The following FOXP1 variants were observed in gnomAD, a reference collection of about 807,000 sequenced individuals.
FOXP1 encodes the protein forkhead box P1, also known as forkhead box protein P1.
In FOXP1, 15 loss-of-function variants were observed where a neutral mutation model predicts 98.2. The ratio of observed to expected loss-of-function variants is 0.15; its 90% CI spans 0.10 to 0.24. The LOEUF is 0.24. FOXP1 is among the 10% of genes least tolerant of loss of function. The pLI, the probability that FOXP1 is intolerant of heterozygous loss-of-function variation, is 1.00. For missense variants in FOXP1, 633 were observed against 848.5 expected (o/e 0.75, Z 3.15); for synonymous variants, 371 against 314.5 (o/e 1.18, Z -1.90).
intron 3 of FOXP1, among the ~76,000 whole-genome samples, chr3:71,385,147 A>G (rs1042938933): frequency 1.3e-5 from 2 of 152,208 alleles, no homozygotes; most frequent in African/African-American, 2.4e-5. Context: ...CTTCATTGGC[A>G]AAAGCAATGC....
chr3:71,527,287 C>G (rs2043466853), intron 2 of FOXP1, among the ~76,000 whole-genome samples: 2 of 152,170 alleles, frequency 1.3e-5, no homozygotes, highest in Non-Finnish European at 2.9e-5. Flanking sequence ...TTAACAATGC[C>G]TAATGATTCT....
chr3:71,253,799 T>C (rs765551853), intron 5 of FOXP1, among the ~76,000 whole-genome samples: 1 of 152,156 alleles, frequency 6.6e-6, no homozygotes, highest in Non-Finnish European at 1.5e-5. Flanking sequence ...GAAAAAAGTA[T>C]GTACCCGTTA....
At chr3:71,451,400 T>C (rs1433895318) in intron 3 of FOXP1, among the ~76,000 whole-genome samples, 1 of 152,170 alleles carries the variant, frequency 6.6e-6, no homozygotes, top group Non-Finnish European at 1.5e-5. Flanking sequence ...CTAGAGCACA[T>C]AAAAGCGAAG....
Position 71,365,703 on chromosome 3 carries a change from G to A in FOXP1, c.-167-6459C>T, listed in dbSNP as rs144724717. Among the ~76,000 whole-genome samples the A allele has an allele frequency of 1.7e-3, 264 of 152,294 alleles. 1 individual carries two copies. Among genetic ancestry groups the A allele is most frequent in the African/African-American group, 5.8e-3 (240 of 41,556 alleles). ...CTTTCTTGGATTTAAAGGATGTTCC[G>A]GCTGGGTGCGGTGGCTCACGCCTAT... On this transcript the variant is annotated intron_variant, in intron 3 of 20. Coordinates refer to ENST00000649528, the MANE Select transcript of FOXP1 (RefSeq NM_001349338.3).
intron 7 of FOXP1, among the ~76,000 whole-genome samples, chr3:71,054,028 T>A (rs2050274592): frequency 6.6e-6 from 1 of 152,180 alleles, no homozygotes; most frequent in Non-Finnish European, 1.5e-5. Flanking sequence ...AAGGACAAAC[T>A]TAATAAATGC....
At chr3:71,055,494 A>T (rs2050498342) in intron 7 of FOXP1, among the ~76,000 whole-genome samples, 1 of 152,240 alleles carries the variant, frequency 6.6e-6, no homozygotes, top group Non-Finnish European at 1.5e-5. Flanking sequence ...GGACAGATGT[A>T]TATGAATGGA....
At chr3:71,563,288 T>G (rs1052392977) in intron 2 of FOXP1, among the ~76,000 whole-genome samples, 2 of 152,184 alleles carry the variant, frequency 1.3e-5, no homozygotes, top group African/African-American at 4.8e-5. Flanking sequence ...GGGCATCTTG[T>G]ACATATGACC....
chr3:71,247,883 C>T (rs896466164), intron 5 of FOXP1, among the ~76,000 whole-genome samples: 1 of 152,196 alleles, frequency 6.6e-6, no homozygotes, highest in Non-Finnish European at 1.5e-5. Context: ...TGATACTCAA[C>T]TACTAGCATT....
chr3:71,105,198 G>C (rs925363095), intron 7 of FOXP1, among the ~76,000 whole-genome samples: 3 of 152,070 alleles, frequency 2.0e-5, no homozygotes, highest in Non-Finnish European at 4.4e-5. Flanking sequence ...ACAAAATATG[G>C]CTTGCGTTTT....
chr3:70,955,134 C>T lies in FOXP1; in HGVS notation c.*4113G>A, dbSNP rs1008295682. ...AAAAGGTACCAAAAAGATTCAAAAT[C>T]TGAATAAGCACACTCTTCTTTGTGC... On this transcript the variant is annotated 3_prime_UTR_variant, in exon 21 of 21. Coordinates refer to ENST00000649528, the MANE Select transcript of FOXP1 (RefSeq NM_001349338.3). 4.3e-6 allele frequency: 1 copy of T among 232,432 alleles called. No homozygotes were observed. The highest frequency in any genetic ancestry group is 5.6e-5 in the Admixed American group (1 of 17,762). The allele number at this position is 232,432 out of a possible 1,614,324, so 14.4% of individuals were successfully genotyped here.
chr3:71,007,148 T>C (rs1327584377), intron 12 of FOXP1, among the ~76,000 whole-genome samples: 9 of 152,114 alleles, frequency 5.9e-5, no homozygotes, highest in African/African-American at 2.2e-4. Flanking sequence ...ATTTTTATTT[T>C]TCTAAAACCA....
At chr3:71,532,079 A>T (rs1402628568) in intron 2 of FOXP1, among the ~76,000 whole-genome samples, 1 of 152,108 alleles carries the variant, frequency 6.6e-6, no homozygotes, top group African/African-American at 2.4e-5. Context: ...AAGTTCCTCC[A>T]TCACCTGGCA....
chr3:71,525,587 G>A (rs2043314267), intron 2 of FOXP1, among the ~76,000 whole-genome samples: 1 of 152,092 alleles, frequency 6.6e-6, no homozygotes, highest in South Asian at 2.1e-4. Flanking sequence ...GTCTGCACAG[G>A]GTTGTGAAAC....
intron 10 of FOXP1, among the ~76,000 whole-genome samples, chr3:71,046,283 G>T (rs2049025877): frequency 6.6e-6 from 1 of 152,142 alleles, no homozygotes. Context: ...CTTTGTAAAA[G>T]AAATTTACTA....
At chr3:71,237,447 G>C (rs2066898328) in intron 5 of FOXP1, among the ~76,000 whole-genome samples, 1 of 152,006 alleles carries the variant, frequency 6.6e-6, no homozygotes, top group South Asian at 2.1e-4. Flanking sequence ...CAGGGCTCAA[G>C]AGCCACATCT....
intron 3 of FOXP1, among the ~76,000 whole-genome samples, chr3:71,417,203 T>C (rs1212452596): frequency 6.6e-6 from 1 of 152,180 alleles, no homozygotes; most frequent in African/African-American, 2.4e-5. Flanking sequence ...CGCGACATCC[T>C]CCAGGCTGAG....
chr3:71,396,962 A>G lies in FOXP1; in HGVS notation c.-167-37718T>C, dbSNP rs534781082. ...CATATATATATGTGTATATATATAT[A>G]TGTGTGTATATATATATATGTGTAT... On this transcript the variant is annotated intron_variant, in intron 3 of 20. Coordinates refer to ENST00000649528, the MANE Select transcript of FOXP1 (RefSeq NM_001349338.3). 1.5e-3 allele frequency among the ~76,000 whole-genome samples: 38 copies of G among 24,760 alleles called. 9 individuals are homozygous for G. The highest frequency in any genetic ancestry group is 0.017 in the Middle Eastern group (1 of 60). 16.2% of individuals were successfully genotyped at this position (24,760 alleles called of 152,430 possible).
chr3:71,333,789 A>C (rs1279184369), intron 4 of FOXP1: 1 of 152,188 alleles, frequency 6.6e-6, no homozygotes, highest in Non-Finnish European at 1.5e-5. Flanking sequence ...GCACCACTGC[A>C]CTTCAGCCTG....
At chr3:71,447,511 G>T (rs1009377951) in intron 3 of FOXP1, among the ~76,000 whole-genome samples, 9 of 152,320 alleles carry the variant, frequency 5.9e-5, no homozygotes, top group Admixed American at 5.2e-4. Flanking sequence ...ATACCAACCT[G>T]CTCCCATTCC....
Sources: allele counts gnomAD v4.1 joint callset (sites outside exome capture counted in the v4.1 genomes callset), GRCh38; gene constraint gnomAD v4.1.1; transcripts MANE v1.5; gene names NCBI Gene and HGNC (gene_info 2026-07-23, HGNC 2026-07-21).